Variants in DGKB observed in about 807,000 individuals in gnomAD.
DGKB encodes the protein 90 kDa diacylglycerol kinase.
In DGKB, 67 loss-of-function variants were observed where a neutral mutation model predicts 114.3. The ratio of observed to expected loss-of-function variants is 0.59; its 90% CI spans 0.48 to 0.72. The LOEUF is 0.72. DGKB is among the 30% of genes least tolerant of loss of function. The probability of loss-of-function intolerance (pLI) is 0.00; values close to 1 mark genes in which losing one functional copy is unlikely to be tolerated. For synonymous variants in DGKB, 398 were observed against 323.1 expected, an observed-to-expected ratio of 1.23 and a Z score of -2.49; for missense variants, 907 against 975.2, an observed-to-expected ratio of 0.93 and a Z score of 0.93.
chr7:14,605,595 A>AT (rs1271366275), intron 17 of DGKB, among the ~76,000 whole-genome samples: 4 of 151,760 alleles, frequency 2.6e-5, no homozygotes, highest in African/African-American at 9.7e-5. Context: ...CATTACTTTC[A>AT]TTTTTTAAAC....
At chr7:14,455,373 T>C (rs929096953) in intron 21 of DGKB, among the ~76,000 whole-genome samples, 5 of 152,030 alleles carry the variant, frequency 3.3e-5, no homozygotes, top group African/African-American at 1.2e-4. Flanking sequence ...AAGAAATAAG[T>C]GCAGAATGAA....
At chr7:14,668,045 A>G (rs1303295170) in intron 13 of DGKB, among the ~76,000 whole-genome samples, 1 of 152,092 alleles carries the variant, frequency 6.6e-6, no homozygotes, top group African/African-American at 2.4e-5. Context: ...GTTTACTGTA[A>G]TAGAGTGTTT....
chr7:14,698,476 G>A (rs940691674), intron 7 of DGKB, among the ~76,000 whole-genome samples: 1 of 152,084 alleles, frequency 6.6e-6, no homozygotes, highest in Non-Finnish European at 1.5e-5. Flanking sequence ...AATACATACT[G>A]TCACATGTGA....
At chr7:14,848,019 G>A (rs1347944998) in intron 1 of DGKB, among the ~76,000 whole-genome samples, 1 of 152,168 alleles carries the variant, frequency 6.6e-6, no homozygotes, top group Non-Finnish European at 1.5e-5. Context: ...AGTACAATTT[G>A]TCATAAGTAA....
At chr7:14,423,353 T>C (rs151146454) in intron 21 of DGKB, among the ~76,000 whole-genome samples, 378 of 152,194 alleles carry the variant, frequency 2.5e-3, no homozygotes, top group African/African-American at 8.5e-3. Flanking sequence ...AGAATGGTGT[T>C]ATTTATCTTT....
At chr7:14,739,996 C>T (rs1312104829) in intron 4 of DGKB, among the ~76,000 whole-genome samples, 3 of 152,222 alleles carry the variant, frequency 2.0e-5, no homozygotes, top group Non-Finnish European at 4.4e-5. Context: ...TATGTACTTT[C>T]GGCATCCAAC....
chr7:14,182,006 G>A (rs1782697527), intron 23 of DGKB, among the ~76,000 whole-genome samples: 1 of 151,996 alleles, frequency 6.6e-6, no homozygotes, highest in African/African-American at 2.4e-5. Context: ...ATCTGAATAG[G>A]AAAAATGCAA....
intron 23 of DGKB, among the ~76,000 whole-genome samples, chr7:14,252,429 T>C (rs1283087321): frequency 6.6e-6 from 1 of 152,184 alleles, no homozygotes; most frequent in Non-Finnish European, 1.5e-5. Context: ...TTTAAAGAAA[T>C]GGCAGCTCTT....
intron 21 of DGKB, among the ~76,000 whole-genome samples, chr7:14,454,701 T>C (rs1354826588): frequency 6.6e-6 from 1 of 152,040 alleles, no homozygotes; most frequent in African/African-American, 2.4e-5. Flanking sequence ...TTCTGACACA[T>C]CTTTGTAAAT....
chr7:14,605,824 T>C (rs956422387), intron 17 of DGKB, among the ~76,000 whole-genome samples: 1 of 152,144 alleles, frequency 6.6e-6, no homozygotes, highest in Non-Finnish European at 1.5e-5. Flanking sequence ...TAAACCACAT[T>C]CACTGAGGAC....
intron 22 of DGKB, among the ~76,000 whole-genome samples, chr7:14,340,195 C>G (rs1300105160): frequency 2.0e-5 from 2 of 98,712 alleles, no homozygotes; most frequent in Non-Finnish European, 4.0e-5. Flanking sequence ...GAAAGCAGTG[C>G]TTTTTTCCTC....
chr7:14,885,615 G>A (rs1854936527), intron 1 of DGKB, among the ~76,000 whole-genome samples: 1 of 151,856 alleles, frequency 6.6e-6, no homozygotes, highest in Admixed American at 6.6e-5. Context: ...CATGGATGGG[G>A]CACAGTTAAA....
chr7:14,320,302 C>G (rs1807509502), intron 23 of DGKB, among the ~76,000 whole-genome samples: 1 of 152,090 alleles, frequency 6.6e-6, no homozygotes, highest in African/African-American at 2.4e-5. Context: ...TCTAACAAAA[C>G]TCAGCATATG....
At chr7:14,265,139 C>CTT (rs1331704764) in intron 23 of DGKB, among the ~76,000 whole-genome samples, 1 of 87,382 alleles carries the variant, frequency 1.1e-5, no homozygotes, top group African/African-American at 8.0e-5. Context: ...ATCCGGAGAT[C>CTT]ATTTTTTTTT....
At chr7:14,729,223 C>T (rs368237065) in intron 5 of DGKB, among the ~76,000 whole-genome samples, 16 of 147,330 alleles carry the variant, frequency 1.1e-4, no homozygotes, top group Admixed American at 3.4e-4. Context: ...CCTGGGTTCA[C>T]GCCATTCTCC....
intron 23 of DGKB, among the ~76,000 whole-genome samples, chr7:14,271,989 T>A (rs1412148984): frequency 6.6e-6 from 1 of 152,254 alleles, no homozygotes; most frequent in African/African-American, 2.4e-5. Context: ...AATTGTACCA[T>A]GTTAGCACTA....
chr7:14,580,051 T>G (rs1426999031), intron 19 of DGKB, among the ~76,000 whole-genome samples: 1 of 152,206 alleles, frequency 6.6e-6, no homozygotes, highest in Non-Finnish European at 1.5e-5. Context: ...TATAGCCTAT[T>G]AGTGACTCTG....
At chr7:14,531,671 T>C (rs1405709941) in intron 20 of DGKB, among the ~76,000 whole-genome samples, 1 of 151,134 alleles carries the variant, frequency 6.6e-6, no homozygotes, top group Non-Finnish European at 1.5e-5. Context: ...AGATTTTTTT[T>C]TTGAGAAATC....
intron 20 of DGKB, among the ~76,000 whole-genome samples, chr7:14,532,669 T>G (rs1290913525): frequency 6.6e-6 from 1 of 151,090 alleles, no homozygotes. Context: ...AAATGAAAAA[T>G]AGACAATTTA....
Sources: allele counts gnomAD v4.1 joint callset (sites outside exome capture counted in the v4.1 genomes callset), GRCh38; gene constraint gnomAD v4.1.1; transcripts MANE v1.5; gene names NCBI Gene and HGNC (gene_info 2026-07-23, HGNC 2026-07-21).